P2RX7: variants seen among roughly 807,000 people sequenced by gnomAD.
P2RX7 encodes P2X purinoceptor 7.
In P2RX7, 62 loss-of-function variants were observed where a neutral mutation model predicts 71.6. The ratio of observed to expected loss-of-function variants is 0.87; its 90% confidence interval spans 0.71 to 1.07. P2RX7 has a LOEUF of 1.07. Among genes scored for constraint, P2RX7 ranks in the 50% least tolerant of loss-of-function variants. The probability of loss-of-function intolerance (pLI) is 0.00; values close to 1 mark genes in which losing one functional copy is unlikely to be tolerated. For synonymous variants in P2RX7, 299 were observed against 283.3 expected (o/e 1.06, Z -0.56); for missense variants, 686 against 748.5 (o/e 0.92, Z 0.97).
rs145745616 is a variant in P2RX7 at position 121,171,426 on chromosome 12, G to A, written c.881+3802G>A. Among the ~76,000 whole-genome samples the A allele has an allele frequency of 2.3e-3, 339 of 145,222 alleles. 1 individual carries two copies. Among genetic ancestry groups the A allele is most frequent in the African/African-American group, 8.2e-3 (316 of 38,766 alleles). On this transcript the variant is annotated intron_variant, in intron 8 of 12. Coordinates refer to ENST00000328963, the MANE Select transcript of P2RX7 (RefSeq NM_002562.6). Reference sequence around the variant, plus strand: ...GTCTCCTAGACTGAAGTGCAATGGCGTAATTTCGGGTCACTGCAACCTCTG... The same window carrying A: ...GTCTCCTAGACTGAAGTGCAATGGCATAATTTCGGGTCACTGCAACCTCTG...
intron 2 of P2RX7, among the ~76,000 whole-genome samples, chr12:121,155,877 C>T (rs775122227): frequency 3.3e-5 from 5 of 152,114 alleles, no homozygotes; most frequent in South Asian, 2.1e-4. Flanking sequence ...CCCATTCAAA[C>T]GCTCCTTCAC....
Position 121,184,741 on chromosome 12 carries a change from G to A in P2RX7, c.1727G>A (p.Arg576Lys), listed in dbSNP as rs1884696925. 1.3e-6 allele frequency: 2 copies of A among 1,556,742 alleles called. No homozygotes were observed. Among genetic ancestry groups the A allele is most frequent in the African/African-American group, 1.4e-5 (1 of 73,394 alleles). ...FAILPSCCRW[R>K]IRKEFPKSEG... ...ATCCTGCCCAGCTGCTGCCGCTGGA[G>A]GATCCGGAAAGAGTTTCCGAAGAGT... The change falls in exon 13 of 13, where the codon AGG becomes AAG. Residue 576 changes from arginine (R) to lysine (K), a missense_variant. Transcript: ENST00000328963.
At chr12:121,164,708 G>A (rs1347566614) in intron 5 of P2RX7, among the ~76,000 whole-genome samples, 1 of 152,186 alleles carries the variant, frequency 6.6e-6, no homozygotes, top group African/African-American at 2.4e-5. Context: ...CTTGAACCCG[G>A]GAGGTGGAGG....
rs1593050430 is a variant in P2RX7 at position 121,155,054 on chromosome 12, C to A, written c.294+101C>A. On this transcript the variant is annotated intron_variant, in intron 2 of 12. Coordinates refer to ENST00000328963, the MANE Select transcript of P2RX7 (RefSeq NM_002562.6). ...CTACAGCCTCACTCCAGAAAAAACG[C>A]TGGTCCTATTTTAAAAGCTCTGTGA... The A allele has an allele frequency of 7.8e-6, 12 of 1,537,070 alleles. No individual in the cohort carries two copies. In the East Asian group the frequency reaches 2.3e-4, roughly 29 times the overall value.
chr12:121,136,017 A>ATATATATATATATATATATAT (rs1291059464), intron 1 of P2RX7, among the ~76,000 whole-genome samples: 1 of 18,464 alleles, frequency 5.4e-5, no homozygotes, highest in African/African-American at 6.9e-5. Flanking sequence ...AAAAAAAAAA[A>ATATATATATATATATATATAT]AAAAAAATAT....
chr12:121,162,335 C>T (rs1001685788), intron 4 of P2RX7, 89 bp from the exon 5 acceptor site: 3 of 1,544,866 alleles, frequency 1.9e-6, no homozygotes, highest in South Asian at 2.4e-5. Flanking sequence ...AGTCTCTCGC[C>T]CGGGTTGAGT....
chr12:121,146,623 T>G (rs1396128383), intron 1 of P2RX7, among the ~76,000 whole-genome samples: 1 of 152,188 alleles, frequency 6.6e-6, no homozygotes, highest in Non-Finnish European at 1.5e-5. Context: ...TGCACACTCT[T>G]GCTTTGCTGA....
intron 3 of P2RX7, among the ~76,000 whole-genome samples, chr12:121,159,167 C>T (rs1395181529): frequency 6.6e-6 from 1 of 152,144 alleles, no homozygotes; most frequent in African/African-American, 2.4e-5. Flanking sequence ...GCCTATAATC[C>T]CAGCACTTTG....
chr12:121,139,627 T>C (rs1874396637), intron 1 of P2RX7, among the ~76,000 whole-genome samples: 1 of 151,856 alleles, frequency 6.6e-6, no homozygotes, highest in Non-Finnish European at 1.5e-5. Flanking sequence ...CTGGGCCTCC[T>C]CCAGCTGAGT....
At chr12:121,170,946 CTGT>C (rs1882060981) in intron 8 of P2RX7, among the ~76,000 whole-genome samples, 1 of 152,070 alleles carries the variant, frequency 6.6e-6, no homozygotes, top group African/African-American at 2.4e-5. Context: ...TTACAGAATT[CTGT>C]TGTTTAGAAA....
intron 8 of P2RX7, among the ~76,000 whole-genome samples, chr12:121,173,217 A>C (rs1882513138): frequency 6.6e-6 from 1 of 151,844 alleles, no homozygotes; most frequent in South Asian, 2.1e-4. Flanking sequence ...AGGCAGTCTT[A>C]CTCTCTCACT....
intron 7 of P2RX7, among the ~76,000 whole-genome samples, chr12:121,167,216 G>A (rs1267658164): frequency 2.0e-5 from 3 of 152,130 alleles, no homozygotes; most frequent in Admixed American, 1.3e-4. Flanking sequence ...CATTAAAGGT[G>A]TTTGGGTACA....
chr12:121,175,198 C>T lies in P2RX7; in HGVS notation c.882-190C>T, dbSNP rs1882864262. On this transcript the variant is annotated intron_variant, in intron 8 of 12. Coordinates refer to ENST00000328963, the MANE Select transcript of P2RX7 (RefSeq NM_002562.6). ...CGGTGGTGCATGCCTGTAGTCCCAG[C>T]TACCTGGGAGACTGAGGTGGGAGAA... Among the ~76,000 whole-genome samples, 3 of 150,696 alleles carry T rather than the reference C, an allele frequency of 2.0e-5. No individual in the cohort carries two copies. The South Asian group carries it at 6.3e-4, about 31-fold the overall frequency.
chr12:121,184,361 A>T lies in P2RX7; in HGVS notation c.1347A>T (p.Thr449=). The change falls in exon 13 of 13, where the codon ACA becomes ACT. Residue 449 remains threonine (T), a synonymous_variant. Coordinates refer to ENST00000328963, the MANE Select transcript of P2RX7 (RefSeq NM_002562.6). ...GGCTGCCCCTGGCCCTCCATGACAC[A>T]CCCCCGATTCCTGGACAACCAGAGG... is the stretch of plus-strand genomic sequence containing the variant. The part of the protein sequence containing the change: ...LSRLPLALHD[T]PPIPGQPEEI... 6.2e-7 allele frequency: 1 copy of T among 1,613,902 alleles called. No individual in the cohort carries two copies.
Position 121,152,764 on chromosome 12 carries a change from C to T in P2RX7, c.126-2021C>T, listed in dbSNP as rs567801368. ...AACTCCTGACCTCAGGTGATCCATC[C>T]GCCTTGGCATCCCAAAGTTCTGGGA... is the stretch of plus-strand genomic sequence containing the variant. On this transcript the variant is annotated intron_variant, in intron 1 of 12. Coordinates refer to ENST00000328963, the MANE Select transcript of P2RX7 (RefSeq NM_002562.6). Among the ~76,000 whole-genome samples, 9 of 152,338 alleles carry T rather than the reference C, an allele frequency of 5.9e-5. No homozygotes were observed. The South Asian group carries it at 1.0e-3, about 18-fold the overall frequency.
chr12:121,165,910 A>G (rs1880908760), intron 6 of P2RX7, 148 bp from the exon 7 acceptor site: 4 of 725,860 alleles, frequency 5.5e-6, no homozygotes, highest in Non-Finnish European at 9.0e-6. Context: ...GTCCAGTGTG[A>G]GAGGCCACTG....
rs184439308 is a variant in P2RX7 at position 121,149,018 on chromosome 12, G to A, written c.126-5767G>A. 7.3e-6 allele frequency: 4 copies of A among 549,528 alleles called. No homozygotes were observed. Among genetic ancestry groups the A allele is most frequent in the South Asian group, 1.5e-5 (1 of 67,240 alleles). The allele number at this position is 549,528 out of a possible 1,614,324, so 34.0% of individuals were successfully genotyped here. A position where few individuals can be genotyped will look rare whatever the true frequency, so the allele number is the denominator to read the frequency against. ...GCTGGAAGCCCAGGGGCTGTAAGAC[G>A]GAGAGGAACTTTGCTGAAAGGGAGG... is the stretch of plus-strand genomic sequence containing the variant. On this transcript the variant is annotated intron_variant, in intron 1 of 12. Coordinates refer to ENST00000328963, the MANE Select transcript of P2RX7 (RefSeq NM_002562.6). This position sits in a 1 kb window ranked among gnomAD's most constrained non-coding sequence, Gnocchi z 4.7.
At chr12:121,167,051 T>C (rs1217405834) in intron 7 of P2RX7, among the ~76,000 whole-genome samples, 1 of 109,188 alleles carries the variant, frequency 9.2e-6, no homozygotes, top group Non-Finnish European at 1.9e-5. Flanking sequence ...AAACTCCATC[T>C]CAAAAAAAAA....
At position 121,184,362 on chromosome 12, in the gene P2RX7, C is replaced by T. The variant is rs745746716; in HGVS notation, c.1348C>T (p.Pro450Ser). The T allele has an allele frequency of 8.1e-6, 13 of 1,613,926 alleles. No individual in the cohort carries two copies. The Admixed American group carries it at 2.2e-4, about 27-fold the overall frequency. Residue 450 changes from proline (P) to serine (S), a missense_variant, in exon 13 of 13, where the codon CCC (proline) becomes TCC (serine). Pro to Ser is a moderately conservative substitution (Grantham distance 74). Coordinates refer to ENST00000328963, the MANE Select transcript of P2RX7 (RefSeq NM_002562.6). ...SRLPLALHDT[P>S]PIPGQPEEIQ... Reference sequence around the variant, plus strand: ...GCTGCCCCTGGCCCTCCATGACACACCCCCGATTCCTGGACAACCAGAGGA... The same window carrying T: ...GCTGCCCCTGGCCCTCCATGACACATCCCCGATTCCTGGACAACCAGAGGA...
Sources: allele counts gnomAD v4.1 joint callset (sites outside exome capture counted in the v4.1 genomes callset), GRCh38; gene constraint gnomAD v4.1.1; non-coding constraint Gnocchi (gnomAD v3.1); transcripts MANE v1.5; gene names NCBI Gene and HGNC (gene_info 2026-07-23, HGNC 2026-07-21).